The following ACTR3 variants were observed in gnomAD, a reference collection of about 807,000 sequenced individuals.
The protein encoded by ACTR3 is actin-related protein 3.
ACTR3 carries 12 observed loss-of-function variants against 56.8 expected under a neutral mutation model. That is an observed-to-expected ratio of 0.21 (90% confidence interval 0.14 to 0.34). The LOEUF (loss-of-function observed/expected upper bound fraction) is 0.34, where lower values mean the gene tolerates loss of function less well. ACTR3 is among the 10% of genes least tolerant of loss of function. The pLI, the probability that ACTR3 is intolerant of heterozygous loss-of-function variation, is 1.00. For synonymous variants in ACTR3, 162 were observed against 167.4 expected (o/e 0.97, Z 0.25); for missense variants, 282 against 512.5 (o/e 0.55, Z 4.34).
chr2:113,915,024 G>A (rs1679377701), intron 2 of ACTR3, among the ~76,000 whole-genome samples: 1 of 152,072 alleles, frequency 6.6e-6, no homozygotes, highest in Non-Finnish European at 1.5e-5. Context: ...TTAAGAATTC[G>A]GTGATACATG....
chr2:113,930,082 TC>T (rs762348046), intron 4 of ACTR3, among the ~76,000 whole-genome samples: 6 of 152,232 alleles, frequency 3.9e-5, no homozygotes, highest in Non-Finnish European at 7.3e-5. Context: ...GAGCAGTCTT[TC>T]ATGTACGATT....
At position 113,960,405 on chromosome 2, in the gene ACTR3, T is replaced by A. The variant is rs1680305060; in HGVS notation, c.*2950T>A. On this transcript the variant is annotated 3_prime_UTR_variant, in exon 12 of 12. Transcript: ENST00000263238. ...TTAAAATAACTATTCTTGCAGATATTTCTAGGAATATTTTTAGAAATAATA... is the reference window on the plus strand; with the variant it reads ...TTAAAATAACTATTCTTGCAGATATATCTAGGAATATTTTTAGAAATAATA... 1 of 152,016 alleles carries A rather than the reference T, an allele frequency of 6.6e-6. No individual in the cohort carries two copies. The highest frequency in any genetic ancestry group is 1.5e-5 in the Non-Finnish European group (1 of 67,906). The allele number at this position is 152,016 out of a possible 1,614,324, so 9.4% of individuals were successfully genotyped here.
intron 1 of ACTR3, among the ~76,000 whole-genome samples, chr2:113,893,362 C>CT (rs1436920449): frequency 6.6e-6 from 1 of 151,896 alleles, no homozygotes; most frequent in Non-Finnish European, 1.5e-5. Flanking sequence ...GGCACGATCT[C>CT]GGCTCACTGC....
Position 113,959,087 on chromosome 2 carries a change from C to T in ACTR3, c.*1632C>T, listed in dbSNP as rs1369133348. 1 of 151,948 alleles carries T rather than the reference C, an allele frequency of 6.6e-6. No individual in the cohort carries two copies. The highest frequency in any genetic ancestry group is 1.5e-5 in the Non-Finnish European group (1 of 67,884). The allele number at this position is 151,948 out of a possible 1,614,324, so 9.4% of individuals were successfully genotyped here. A position where few individuals can be genotyped will look rare whatever the true frequency, so the allele number is the denominator to read the frequency against. On this transcript the variant is annotated 3_prime_UTR_variant, in exon 12 of 12. Coordinates refer to ENST00000263238, the MANE Select transcript of ACTR3 (RefSeq NM_005721.5). ...TTTACTTGGAAAAGTAATTCACAAA[C>T]ATTATAAAAATACTATTCAAACAGT...
At chr2:113,944,858 G>A (rs568701168) in intron 8 of ACTR3, among the ~76,000 whole-genome samples, 3 of 152,144 alleles carry the variant, frequency 2.0e-5, no homozygotes, top group Non-Finnish European at 4.4e-5. Flanking sequence ...ATAGTATGGG[G>A]CATCCATTCT....
chr2:113,895,867 T>TTTTG (rs1678998122), intron 1 of ACTR3, among the ~76,000 whole-genome samples: 1 of 152,204 alleles, frequency 6.6e-6, no homozygotes, highest in Admixed American at 6.5e-5. Context: ...TATAGGTTTT[T>TTTTG]TTTGTTTGTT....
chr2:113,903,259 C>G (rs1183474664), intron 1 of ACTR3, among the ~76,000 whole-genome samples: 1 of 152,108 alleles, frequency 6.6e-6, no homozygotes, highest in Non-Finnish European at 1.5e-5. Flanking sequence ...TGGTTTGTGC[C>G]TAAGTGTGGT....
chr2:113,931,440 C>G, intron 5 of ACTR3, 44 bp downstream of exon 5: 1 of 1,368,908 alleles, frequency 7.3e-7, no homozygotes, highest in African/African-American at 1.5e-5. Flanking sequence ...TACATTTTAA[C>G]CTAGTTTAAT....
At chr2:113,955,051 T>C (rs922427544) in intron 10 of ACTR3, 1 of 152,230 alleles carries the variant, frequency 6.6e-6, no homozygotes, top group African/African-American at 2.4e-5. Flanking sequence ...ATCTATAATA[T>C]GTTTATGTTT....
At position 113,951,589 on chromosome 2, in the gene ACTR3, G is replaced by A. The variant is rs1203372047; in HGVS notation, c.951+18G>A. 2 of 1,590,822 alleles carry A rather than the reference G, an allele frequency of 1.3e-6. No individual in the cohort carries two copies. On this transcript the variant is annotated intron_variant, in intron 9 of 11. Coordinates refer to ENST00000263238, the MANE Select transcript of ACTR3 (RefSeq NM_005721.5). ...TCTACAAGGTATTTATAGCAAAATT[G>A]TTATTCAAGGTCTTACTTTAAAAAA...
chr2:113,910,548 G>A (rs944303348), intron 1 of ACTR3, among the ~76,000 whole-genome samples: 2 of 152,100 alleles, frequency 1.3e-5, no homozygotes, highest in East Asian at 1.9e-4. Flanking sequence ...GAAGAAGGGG[G>A]GCAGTCTTGG....
At chr2:113,890,995 T>C (rs1678883205) in intron 1 of ACTR3, among the ~76,000 whole-genome samples, 1 of 152,200 alleles carries the variant, frequency 6.6e-6, no homozygotes, top group Non-Finnish European at 1.5e-5. Flanking sequence ...GTGTTACTTC[T>C]GTAGCCTCAA....
chr2:113,906,520 T>A (rs1679194560), intron 1 of ACTR3, among the ~76,000 whole-genome samples: 1 of 152,208 alleles, frequency 6.6e-6, no homozygotes, highest in East Asian at 1.9e-4. Flanking sequence ...TTTGGTGTCA[T>A]AGCCAAGAGA....
At chr2:113,941,305 C>T (rs149384170) in intron 7 of ACTR3, among the ~76,000 whole-genome samples, 33 of 152,180 alleles carry the variant, frequency 2.2e-4, no homozygotes, top group Middle Eastern at 3.4e-3. Flanking sequence ...TAAAGCAAAA[C>T]GAGAAAACAC....
chr2:113,890,027 G>A (rs1359991903), upstream of ACTR3: 1 of 584,714 alleles, frequency 1.7e-6, no homozygotes, highest in African/African-American at 1.9e-5. Context: ...GAGTGAGGAG[G>A]AGGGAAGAGA....
chr2:113,953,307 A>G (rs1680151577), intron 10 of ACTR3: 1 of 152,116 alleles, frequency 6.6e-6, no homozygotes, highest in African/African-American at 2.4e-5. Flanking sequence ...ATTGCTTCAT[A>G]CCAGAAGTGT....
chr2:113,917,606 A>G (rs1260827292), intron 3 of ACTR3, among the ~76,000 whole-genome samples: 1 of 152,174 alleles, frequency 6.6e-6, no homozygotes, highest in Non-Finnish European at 1.5e-5. Flanking sequence ...AATAAATGCT[A>G]TTCTGACCTT....
intron 3 of ACTR3, 135 bp downstream of exon 3, chr2:113,917,143 T>G (rs1574361629): frequency 4.4e-6 from 3 of 688,104 alleles, no homozygotes; most frequent in South Asian, 1.2e-4. Flanking sequence ...TCTTTTTCCC[T>G]ATGGCATCCT....
At chr2:113,902,949 C>G (rs1460970442) in intron 1 of ACTR3, among the ~76,000 whole-genome samples, 2 of 152,222 alleles carry the variant, frequency 1.3e-5, no homozygotes, top group Non-Finnish European at 1.5e-5. Flanking sequence ...GTCTTACAAT[C>G]AAGCTAATTA....
Sources: allele counts gnomAD v4.1 joint callset (sites outside exome capture counted in the v4.1 genomes callset), GRCh38; gene constraint gnomAD v4.1.1; transcripts MANE v1.5; gene names NCBI Gene and HGNC (gene_info 2026-07-23, HGNC 2026-07-21).